The following EMILIN2 variants were observed in gnomAD, a reference collection of about 807,000 sequenced individuals.
EMILIN2 encodes the protein elastin microfibril interfacer 2.
In EMILIN2, 71 loss-of-function variants were observed where a neutral mutation model predicts 87.1. That is an observed-to-expected ratio of 0.82 (90% CI 0.67 to 0.99). The LOEUF (loss-of-function observed/expected upper bound fraction) is 0.99. Among genes scored for constraint, EMILIN2 ranks in the 50% least tolerant of loss-of-function variants. The pLI is 0.00. For missense variants in EMILIN2, 1,407 were observed against 1,371.8 expected, an observed-to-expected ratio of 1.03 and a Z score of -0.40; for synonymous variants, 581 against 563.4, an observed-to-expected ratio of 1.03 and a Z score of -0.44.
chr18:2,890,127 GTA>G lies in EMILIN2; in HGVS notation c.434-432_434-431del, dbSNP rs1288223832. ...TAAAGTGGTTTCTTGTGGTTTTACT[GTA>G]TGCAGTCAACTCTTGGGGTGTGGCT... On this transcript the variant is annotated intron_variant, in intron 3 of 7. Coordinates refer to ENST00000254528, the MANE Select transcript of EMILIN2 (RefSeq NM_032048.3). This position sits in a 1 kb window ranked among gnomAD's most constrained non-coding sequence, Gnocchi z 4.7. Among the ~76,000 whole-genome samples, 1 of 152,202 alleles carries G rather than the reference GTA, an allele frequency of 6.6e-6. No homozygotes were observed. Among genetic ancestry groups the G allele is most frequent in the Non-Finnish European group, 1.5e-5 (1 of 68,038 alleles).
intron 2 of EMILIN2, among the ~76,000 whole-genome samples, chr18:2,867,892 G>A (rs1309409778): frequency 6.6e-5 from 10 of 152,020 alleles, no homozygotes; most frequent in East Asian, 1.9e-4. Context: ...GGTGGTGGCC[G>A]GGCAGAGGGG....
intron 2 of EMILIN2, among the ~76,000 whole-genome samples, chr18:2,869,778 GTGTGTGTT>G (rs1281583974): frequency 8.1e-3 from 377 of 46,306 alleles, no homozygotes; most frequent in African/African-American, 0.024. Flanking sequence ...CTGTGTGTGT[GTGTGTGTT>G]TGTGTGTGTG....
In EMILIN2 at chr18:2,913,054, T is replaced by C. The variant is rs1464834335; in HGVS notation, c.2825-13T>C. The C allele has an allele frequency of 6.2e-7, 1 of 1,605,748 alleles. No individual in the cohort carries two copies. The highest frequency in any genetic ancestry group is 1.1e-5 in the South Asian group (1 of 91,066). ...ACAGCAGGTGAGCACAGGGTTTGCCTTTCTCCCCGCAGGGGTCTTCACGGC... is the reference window on the plus strand; with the variant it reads ...ACAGCAGGTGAGCACAGGGTTTGCCCTTCTCCCCGCAGGGGTCTTCACGGC... On this transcript the variant is annotated splice_polypyrimidine_tract_variant and intron_variant, in intron 7 of 7. Transcript: ENST00000254528.
intron 2 of EMILIN2, among the ~76,000 whole-genome samples, chr18:2,858,794 C>T (rs550903797): frequency 6.6e-6 from 1 of 150,940 alleles, no homozygotes; most frequent in Non-Finnish European, 1.5e-5. Context: ...TGCCACCATG[C>T]CCGGCTAATT....
intron 2 of EMILIN2, among the ~76,000 whole-genome samples, chr18:2,851,964 ACT>A (rs2076603835): frequency 6.6e-6 from 1 of 152,204 alleles, no homozygotes; most frequent in Non-Finnish European, 1.5e-5. Context: ...GAGGGTAGCC[ACT>A]GAGCCGCCTG....
chr18:2,860,116 T>C (rs891677509), intron 2 of EMILIN2, among the ~76,000 whole-genome samples: 5 of 152,196 alleles, frequency 3.3e-5, no homozygotes, highest in African/African-American at 9.7e-5. Flanking sequence ...ATGATGGTGT[T>C]ATTTTGATGG....
intron 2 of EMILIN2, among the ~76,000 whole-genome samples, chr18:2,860,229 C>T (rs1034075774): frequency 2.0e-5 from 3 of 151,954 alleles, no homozygotes; most frequent in Admixed American, 6.6e-5. Flanking sequence ...TTGTTTATGT[C>T]ATCTATGATT....
intron 5 of EMILIN2, among the ~76,000 whole-genome samples, chr18:2,907,329 G>T (rs1441855435): frequency 5.3e-5 from 8 of 152,232 alleles, no homozygotes; most frequent in Non-Finnish European, 1.2e-4. Flanking sequence ...GGCCCCGCCG[G>T]TTGGAGTACG....
At chr18:2,858,522 C>CATATATATATATATATATAT (rs202158489) in intron 2 of EMILIN2, among the ~76,000 whole-genome samples, 3 of 45,790 alleles carry the variant, frequency 6.6e-5, no homozygotes, top group African/African-American at 2.6e-4. Flanking sequence ...AGTATTCCAT[C>CATATATATATATATATATAT]ATATATATAT....
At chr18:2,859,435 ATTTG>A (rs1330820950) in intron 2 of EMILIN2, among the ~76,000 whole-genome samples, 1 of 151,918 alleles carries the variant, frequency 6.6e-6, no homozygotes, top group African/African-American at 2.4e-5. Context: ...CTTCTTGCTA[ATTTG>A]TTTGAGTTTG....
Position 2,913,642 on chromosome 18 carries a change from A to T in EMILIN2, c.*238A>T. The stretch of plus-strand genomic sequence containing the variant: ...TCTGCCACTCTAACTGGACAACTGG[A>T]AGACTTGGAAAGGCCTCCACCTGTA... On this transcript the variant is annotated 3_prime_UTR_variant, in exon 8 of 8. Coordinates refer to ENST00000254528, the MANE Select transcript of EMILIN2 (RefSeq NM_032048.3). The T allele has an allele frequency of 8.7e-6, 3 of 345,168 alleles. No homozygotes were observed. Among genetic ancestry groups the T allele is most frequent in the Non-Finnish European group, 1.0e-5 (2 of 193,802 alleles). 21.4% of individuals were successfully genotyped at this position (345,168 alleles called of 1,614,324 possible). A position where few individuals can be genotyped will look rare whatever the true frequency, so the allele number is the denominator to read the frequency against.
chr18:2,906,891 G>A lies in EMILIN2; in HGVS notation c.2468G>A (p.Arg823Gln), dbSNP rs755255327. ...GPATAEDPGR[R>Q]PVLPQRPPEE... The stretch of plus-strand genomic sequence containing the variant: ...GCAACCGCAGAGGACCCTGGGCGAC[G>A]GCCCGTCCTGCCCCAGCGGCCCCCC... Residue 823 changes from arginine (R) to glutamine (Q), a missense_variant, in exon 5 of 8, where the codon CGG becomes CAG. Physicochemically the swap from Arg to Gln is conservative, Grantham distance 43 (BLOSUM62 1). Transcript: ENST00000254528. The A allele has an allele frequency of 5.0e-6, 7 of 1,393,380 alleles. No homozygotes were observed. The highest frequency in any genetic ancestry group is 2.7e-5 in the Admixed American group (1 of 36,442). The allele number at this position is 1,393,380 out of a possible 1,614,324, so 86.3% of individuals were successfully genotyped here. A position where few individuals can be genotyped will look rare whatever the true frequency, so the allele number is the denominator to read the frequency against.
intron 2 of EMILIN2, among the ~76,000 whole-genome samples, chr18:2,869,784 GTTT>G (rs2076710056): frequency 2.4e-5 from 1 of 42,052 alleles, no homozygotes; most frequent in Admixed American, 2.7e-4. Context: ...GTGTGTGTGT[GTTT>G]GTGTGTGTGT....
intron 2 of EMILIN2, among the ~76,000 whole-genome samples, chr18:2,855,328 C>T (rs79482530): frequency 0.033 from 5,025 of 152,278 alleles, 282 homozygotes; most frequent in African/African-American, 0.11. Context: ...TTTATTCTTA[C>T]CACAAGTTCA....
chr18:2,906,649 C>T, intron 4 of EMILIN2, 134 bp from the exon 5 acceptor site: 1 of 691,780 alleles, frequency 1.4e-6, no homozygotes, highest in Non-Finnish European at 2.0e-6. Context: ...TCCCGCTGGC[C>T]TGACGTCGCA....
intron 2 of EMILIN2, among the ~76,000 whole-genome samples, chr18:2,852,364 C>T (rs948781144): frequency 5.3e-5 from 8 of 152,180 alleles, no homozygotes; most frequent in African/African-American, 1.7e-4. Flanking sequence ...AGCTCGACCG[C>T]TTCAGGACTT....
chr18:2,869,776 G>GTGTGTT (rs1232160279), intron 2 of EMILIN2, among the ~76,000 whole-genome samples: 1 of 51,338 alleles, frequency 1.9e-5, no homozygotes, highest in African/African-American at 5.1e-5. Context: ...CTCTGTGTGT[G>GTGTGTT]TGTGTGTGTT....
rs1310820354 is a variant in EMILIN2, at chr18:2,896,949, C to T, written c.2359+4463C>T. On this transcript the variant is annotated intron_variant, in intron 4 of 7. Coordinates refer to ENST00000254528, the MANE Select transcript of EMILIN2 (RefSeq NM_032048.3). ...CCCAAGAGTTCGAGACCAGCCTGGG[C>T]AACACAGGGAGTCCCTGTCCCTACA... 4.6e-5 allele frequency among the ~76,000 whole-genome samples: 7 copies of T among 152,230 alleles called. No individual in the cohort carries two copies. The East Asian group carries it at 1.4e-3, about 29-fold the overall frequency.
intron 4 of EMILIN2, among the ~76,000 whole-genome samples, chr18:2,897,594 G>A (rs564252132): frequency 3.9e-5 from 6 of 152,144 alleles, no homozygotes; most frequent in Non-Finnish European, 7.3e-5. Context: ...GGCTGGGCGC[G>A]GTGGCTCATG....
Sources: allele counts gnomAD v4.1 joint callset (sites outside exome capture counted in the v4.1 genomes callset), GRCh38; gene constraint gnomAD v4.1.1; non-coding constraint Gnocchi (gnomAD v3.1); transcripts MANE v1.5; gene names NCBI Gene and HGNC (gene_info 2026-07-23, HGNC 2026-07-21).